PLXNC1: variants seen among roughly 807,000 people sequenced by gnomAD.
The protein encoded by PLXNC1 is plexin-C1.
In PLXNC1, 75 loss-of-function variants were observed where a neutral mutation model predicts 178.2. The observed-to-expected ratio is 0.42, with a 90% confidence interval of 0.35 to 0.51. The LOEUF (loss-of-function observed/expected upper bound fraction) is 0.51. Ranked by LOEUF, PLXNC1 falls within the 20% of genes least tolerant of loss-of-function variation. The pLI, the probability that PLXNC1 is intolerant of heterozygous loss-of-function variation, is 0.02. For missense variants in PLXNC1, 1,503 were observed against 1,984.4 expected (o/e 0.76, Z 4.61); for synonymous variants, 790 against 779.9 (o/e 1.01, Z -0.22).
chr12:94,184,203 G>A (rs1271240235), intron 3 of PLXNC1, among the ~76,000 whole-genome samples: 4 of 147,532 alleles, frequency 2.7e-5, no homozygotes, highest in East Asian at 2.0e-4. Context: ...TGCAACCTCC[G>A]CCTCCACAGG....
chr12:94,238,726 A>C (rs1315923335), intron 10 of PLXNC1, among the ~76,000 whole-genome samples: 1 of 152,220 alleles, frequency 6.6e-6, no homozygotes, highest in Non-Finnish European at 1.5e-5. Flanking sequence ...CTAATCTGCT[A>C]TGCTTATTTA....
chr12:94,260,837 C>T lies in PLXNC1; in HGVS notation c.3447C>T (p.Leu1149=). The T allele has an allele frequency of 6.2e-7, 1 of 1,613,960 alleles. No individual in the cohort carries two copies. Among genetic ancestry groups the T allele is most frequent in the South Asian group, 1.1e-5 (1 of 91,066 alleles). The change falls in exon 20 of 31, where the codon CTC becomes CTT. Residue 1149 remains leucine (L), a synonymous_variant. Coordinates refer to ENST00000258526, the MANE Select transcript of PLXNC1 (RefSeq NM_005761.3). The surrounding 1 kb of genome is among the most constrained non-coding windows in gnomAD (Gnocchi z 4.4). ...TGTCCGTCTGCCTTTCTGGATTTCT[C>T]CGGGTAAGTGTCACATCCCTCAGCA... The part of the protein sequence containing the change: ...NWMSVCLSGF[L]RETVGEPFYL...
chr12:94,149,901 C>A lies in PLXNC1; in HGVS notation c.930C>A (p.Phe310Leu). Residue 310 changes from phenylalanine to leucine, a missense_variant, in exon 1 of 31, where the codon TTC becomes TTA. Transcript: ENST00000258526. ...VEALDVWAGV[F>L]SAAAGEGQER... The stretch of plus-strand genomic sequence containing the variant: ...CCCTGGACGTCTGGGCGGGAGTGTT[C>A]AGCGCGGCCGCTGGAGAGGGCCAGG... 6.3e-7 allele frequency: 1 copy of A among 1,588,886 alleles called. No individual in the cohort carries two copies. Among genetic ancestry groups the A allele is most frequent in the Non-Finnish European group, 8.6e-7 (1 of 1,168,488 alleles).
intron 11 of PLXNC1, among the ~76,000 whole-genome samples, chr12:94,242,203 G>T (rs1346375752): frequency 6.6e-6 from 1 of 151,658 alleles, no homozygotes; most frequent in Middle Eastern, 3.4e-3. Flanking sequence ...TGGTAAGATT[G>T]GTTTCTCCTG....
At chr12:94,227,640 G>A (rs531525626) in intron 9 of PLXNC1, among the ~76,000 whole-genome samples, 5 of 152,114 alleles carry the variant, frequency 3.3e-5, no homozygotes, top group Non-Finnish European at 5.9e-5. Context: ...CCTCGATTCC[G>A]TTGTTTTTTT....
chr12:94,218,481 G>A (rs569738758), intron 5 of PLXNC1, among the ~76,000 whole-genome samples: 2 of 152,128 alleles, frequency 1.3e-5, no homozygotes, highest in South Asian at 4.2e-4. Flanking sequence ...GGGTGATAAG[G>A]TTACCACTTC....
At chr12:94,278,028 T>C (rs1329635852) in intron 21 of PLXNC1, 3 of 455,960 alleles carry the variant, frequency 6.6e-6, no homozygotes, top group African/African-American at 4.0e-5. Context: ...TCCACAGTAC[T>C]TGGGGACCTC....
chr12:94,257,814 G>A (rs1158229914), intron 17 of PLXNC1, among the ~76,000 whole-genome samples: 1 of 152,160 alleles, frequency 6.6e-6, no homozygotes, highest in African/African-American at 2.4e-5. Flanking sequence ...GGCTGAGGCA[G>A]GAGAATGGTG....
chr12:94,262,670 A>G (rs1213297063), intron 20 of PLXNC1: 1 of 985,312 alleles, frequency 1.0e-6, no homozygotes, highest in African/African-American at 1.7e-5. Context: ...TCCCTCCACC[A>G]GGTGCTCAAG....
intron 30 of PLXNC1, among the ~76,000 whole-genome samples, chr12:94,304,534 A>G (rs1380754300): frequency 3.3e-5 from 5 of 152,190 alleles, no homozygotes; most frequent in South Asian, 2.1e-4. Flanking sequence ...TGGAAATTCA[A>G]ACAGACACAT....
intron 21 of PLXNC1, chr12:94,277,931 A>G (rs1336388281): frequency 2.2e-6 from 1 of 455,994 alleles, no homozygotes; most frequent in African/African-American, 2.0e-5. Context: ...CCCATCTTCC[A>G]TATGATTTGT....
chr12:94,234,109 C>T (rs1964179414), intron 9 of PLXNC1, among the ~76,000 whole-genome samples: 1 of 151,772 alleles, frequency 6.6e-6, no homozygotes, highest in African/African-American at 2.4e-5. Context: ...TGATTCAGGT[C>T]CAGGCCTACA....
chr12:94,297,496 G>T, intron 26 of PLXNC1, 73 bp downstream of exon 26: 2 of 1,043,644 alleles, frequency 1.9e-6, no homozygotes, highest in Admixed American at 2.0e-5. Flanking sequence ...AATTTCCACT[G>T]AAGTGTGAAA....
chr12:94,272,147 C>T (rs1331332270), intron 21 of PLXNC1: 2 of 152,234 alleles, frequency 1.3e-5, no homozygotes, highest in Non-Finnish European at 2.9e-5. Context: ...TCATAACCCT[C>T]CTTGGTAATA....
chr12:94,176,836 A>G (rs1028132334), intron 2 of PLXNC1, among the ~76,000 whole-genome samples: 2 of 151,996 alleles, frequency 1.3e-5, no homozygotes, highest in South Asian at 4.1e-4. Flanking sequence ...AAATACCTGT[A>G]TATGTAAATA....
intron 14 of PLXNC1, among the ~76,000 whole-genome samples, chr12:94,249,287 C>T (rs529279059): frequency 6.6e-6 from 1 of 152,148 alleles, no homozygotes; most frequent in African/African-American, 2.4e-5. Flanking sequence ...GGCAGGAGTA[C>T]AGTGGCACGA....
At position 94,305,416 on chromosome 12, in the gene PLXNC1, G is replaced by C. The variant is rs575788817; in HGVS notation, c.*131G>C. ...TCCACTTTGGGCACTGTCTTTTTAAGAGACCAAGGCACATGCACAGCTTTT... is the reference window on the plus strand; with the variant it reads ...TCCACTTTGGGCACTGTCTTTTTAACAGACCAAGGCACATGCACAGCTTTT... On this transcript the variant is annotated 3_prime_UTR_variant, in exon 31 of 31. Transcript: ENST00000258526. 4.8e-5 allele frequency: 30 copies of C among 620,676 alleles called. No homozygotes were observed. Among genetic ancestry groups the C allele is most frequent in the Non-Finnish European group, 8.4e-5 (29 of 346,098 alleles). The allele number at this position is 620,676 out of a possible 1,614,324, so 38.4% of individuals were successfully genotyped here.
intron 4 of PLXNC1, among the ~76,000 whole-genome samples, chr12:94,202,403 G>A (rs1165175852): frequency 6.6e-6 from 1 of 152,246 alleles, no homozygotes; most frequent in East Asian, 1.9e-4. Context: ...GGGTGCAAAG[G>A]TGAATAAGGT....
intron 1 of PLXNC1, among the ~76,000 whole-genome samples, chr12:94,150,369 CCT>C (rs1299078304): frequency 6.6e-6 from 1 of 152,216 alleles, no homozygotes. Flanking sequence ...TCGCGCAGCC[CCT>C]CTTTCCCATT....
Sources: allele counts gnomAD v4.1 joint callset (sites outside exome capture counted in the v4.1 genomes callset), GRCh38; gene constraint gnomAD v4.1.1; non-coding constraint Gnocchi (gnomAD v3.1); transcripts MANE v1.5; gene names NCBI Gene and HGNC (gene_info 2026-07-23, HGNC 2026-07-21).